Variants in OXTR observed in about 807,000 individuals in gnomAD.
OXTR encodes oxytocin receptor.
In OXTR, 19 loss-of-function variants were observed where a neutral mutation model predicts 23.9. That is an observed-to-expected ratio of 0.80 (90% CI 0.56 to 1.17). The LOEUF (loss-of-function observed/expected upper bound fraction) is 1.17, where lower values mean the gene tolerates loss of function less well. Among genes scored for constraint, OXTR ranks in the 50% most tolerant of loss-of-function variants. The pLI, the probability that OXTR is intolerant of heterozygous loss-of-function variation, is 0.00. For missense variants in OXTR, 500 were observed against 550.7 expected, an observed-to-expected ratio of 0.91 and a Z score of 0.92; for synonymous variants, 278 against 250.5, an observed-to-expected ratio of 1.11 and a Z score of -1.04.
At chr3:8,745,615 C>A (rs116840775), downstream of OXTR, 185 of 1,614,134 alleles carry the variant, frequency 1.1e-4, no homozygotes, top group East Asian at 3.1e-3. The surrounding 1 kb of genome is among the most constrained non-coding windows in gnomAD (Gnocchi z 4.8). Flanking sequence ...TCACTGTCTC[C>A]AAGTACTGGT....
chr3:8,762,646 C>A (rs1480406347), intron 3 of OXTR, among the ~76,000 whole-genome samples: 1 of 152,210 alleles, frequency 6.6e-6, no homozygotes, highest in Non-Finnish European at 1.5e-5. Context: ...TCGGGCACAG[C>A]ATTCATGGAA....
In OXTR at chr3:8,750,584, T is replaced by G. The variant is rs1312689230; in HGVS notation, c.*2393A>C. ...CTGGCAAACGCTAATCTATATTCAC[T>G]CTATATAGATTCGTCCATTTTAGAC... On this transcript the variant is annotated 3_prime_UTR_variant, in exon 4 of 4. Coordinates refer to ENST00000316793, the MANE Select transcript of OXTR (RefSeq NM_000916.4). The G allele has an allele frequency of 6.6e-6, 1 of 152,148 alleles. No individual in the cohort carries two copies. The highest frequency in any genetic ancestry group is 1.9e-4 in the East Asian group (1 of 5,192). The allele number at this position is 152,148 out of a possible 1,614,324, so 9.4% of individuals were successfully genotyped here. A position where few individuals can be genotyped will look rare whatever the true frequency, so the allele number is the denominator to read the frequency against.
At chr3:8,759,225 C>G (rs116571980) in intron 3 of OXTR, among the ~76,000 whole-genome samples, 1 of 152,216 alleles carries the variant, frequency 6.6e-6, no homozygotes, top group Non-Finnish European at 1.5e-5. Flanking sequence ...TAAGCTCCTA[C>G]TCACCCCTCA....
At chr3:8,753,669 C>T (rs1362774355) in intron 3 of OXTR, among the ~76,000 whole-genome samples, 2 of 152,158 alleles carry the variant, frequency 1.3e-5, no homozygotes, top group African/African-American at 4.8e-5. Context: ...ACTTGAAGTC[C>T]CTAAGAAGCT....
At chr3:8,743,356 C>CTTT in the OXTR span, among the ~76,000 whole-genome samples, 1 of 152,210 alleles carries the variant, frequency 6.6e-6, no homozygotes, top group African/African-American at 2.4e-5. Context: ...GTGAATATGA[C>CTTT]TTTTCCATCC....
the OXTR span, among the ~76,000 whole-genome samples, chr3:8,743,330 T>C: frequency 6.6e-6 from 1 of 152,212 alleles, no homozygotes; most frequent in Admixed American, 6.5e-5. Flanking sequence ...GACTAGAACC[T>C]CCATAAACAT....
At chr3:8,744,255 C>T in the OXTR span, among the ~76,000 whole-genome samples, 55 of 150,738 alleles carry the variant, frequency 3.6e-4, no homozygotes, top group African/African-American at 1.3e-3. Context: ...TGGTTCACTG[C>T]TGTTTAATTG....
downstream of OXTR, among the ~76,000 whole-genome samples, chr3:8,748,404 G>A (rs985198125): frequency 6.6e-6 from 1 of 152,128 alleles, no homozygotes; most frequent in Non-Finnish European, 1.5e-5. Context: ...TCTGATAACT[G>A]AGTGCACCTG....
chr3:8,756,198 A>G (rs1316364813), intron 3 of OXTR, among the ~76,000 whole-genome samples: 1 of 152,210 alleles, frequency 6.6e-6, no homozygotes, highest in Non-Finnish European at 1.5e-5. Flanking sequence ...TGGAACAGAA[A>G]AAAGCATGGA....
chr3:8,767,265 C>T lies in OXTR; in HGVS notation c.922+1G>A. 6.5e-6 allele frequency: 10 copies of T among 1,535,348 alleles called. No homozygotes were observed. Among genetic ancestry groups the T allele is most frequent in the Non-Finnish European group, 7.9e-6 (9 of 1,142,632 alleles). On this transcript the variant is annotated splice_donor_variant, in intron 3 of 3. Coordinates refer to ENST00000316793, the MANE Select transcript of OXTR (RefSeq NM_000916.4). LOFTEE classifies it high-confidence loss of function. ...CTCCTGGGTCTCCCAGCCCTGGCTA[C>T]CTTCCTTGGGCGCGTTGGCATCCCA...
rs1327115719 is a variant in OXTR at position 8,752,735 on chromosome 3, G to A, written c.*242C>T. On this transcript the variant is annotated 3_prime_UTR_variant, in exon 4 of 4. Coordinates refer to ENST00000316793, the MANE Select transcript of OXTR (RefSeq NM_000916.4). ...AAAAACAAGCCACTCACTGCCCAGGGCAGCAGTGGGTTCAGGGTGGTAGAA... is the reference window on the plus strand; with the variant it reads ...AAAAACAAGCCACTCACTGCCCAGGACAGCAGTGGGTTCAGGGTGGTAGAA... 4.0e-6 allele frequency: 2 copies of A among 502,898 alleles called. No homozygotes were observed. The highest frequency in any genetic ancestry group is 3.5e-6 in the Non-Finnish European group (1 of 285,160). The allele number at this position is 502,898 out of a possible 1,614,324, so 31.2% of individuals were successfully genotyped here.
In OXTR at chr3:8,752,063, C is replaced by G. The variant is rs989283756; in HGVS notation, c.*914G>C. ...CAATTTTGTAGTTTTCAGTCTTGCA[C>G]TTGTTTTGTTAAGTTGATTCCTATT... On this transcript the variant is annotated 3_prime_UTR_variant, in exon 4 of 4. Coordinates refer to ENST00000316793, the MANE Select transcript of OXTR (RefSeq NM_000916.4). 6.6e-6 allele frequency: 1 copy of G among 152,136 alleles called. No individual in the cohort carries two copies. The highest frequency in any genetic ancestry group is 1.5e-5 in the Non-Finnish European group (1 of 68,024). 9.4% of individuals were successfully genotyped at this position (152,136 alleles called of 1,614,324 possible). A position where few individuals can be genotyped will look rare whatever the true frequency, so the allele number is the denominator to read the frequency against.
chr3:8,745,898 A>T, downstream of OXTR: 9 of 1,556,724 alleles, frequency 5.8e-6, no homozygotes, highest in African/African-American at 1.4e-5. The surrounding 1 kb of genome is among the most constrained non-coding windows in gnomAD (Gnocchi z 4.8). Context: ...GTGGCAGGGC[A>T]GGGGGTGGTG....
downstream of OXTR, among the ~76,000 whole-genome samples, chr3:8,747,504 C>G (rs78077803): frequency 2.6e-5 from 4 of 152,216 alleles, no homozygotes; most frequent in Non-Finnish European, 5.9e-5. Flanking sequence ...TGTTTAAATA[C>G]GTTGTAGAGA....
In OXTR at chr3:8,752,836, C is replaced by A; in HGVS notation, c.*141G>T. The A allele has an allele frequency of 1.1e-6, 1 of 884,244 alleles. No individual in the cohort carries two copies. The highest frequency in any genetic ancestry group is 1.7e-6 in the Non-Finnish European group (1 of 596,950). 54.8% of individuals were successfully genotyped at this position (884,244 alleles called of 1,614,324 possible). On this transcript the variant is annotated 3_prime_UTR_variant, in exon 4 of 4. Transcript: ENST00000316793. ...TTCCATCATGGAGGCCACTCTCCACCCCACTGAAGCCACCCCAAGGAGGGG... is the reference window on the plus strand; with the variant it reads ...TTCCATCATGGAGGCCACTCTCCACACCACTGAAGCCACCCCAAGGAGGGG...
intron 3 of OXTR, among the ~76,000 whole-genome samples, chr3:8,764,535 C>T (rs774140972): frequency 2.6e-5 from 4 of 152,222 alleles, no homozygotes; most frequent in Non-Finnish European, 5.9e-5. Flanking sequence ...TTAACACTTG[C>T]TGGTAGCCTC....
intron 3 of OXTR, among the ~76,000 whole-genome samples, chr3:8,761,540 T>C (rs1708487654): frequency 6.6e-6 from 1 of 152,104 alleles, no homozygotes; most frequent in Non-Finnish European, 1.5e-5. Flanking sequence ...TGTCAGTCTC[T>C]AGTGTAAGAT....
chr3:8,749,497 G>T (rs1307691300), downstream of OXTR, among the ~76,000 whole-genome samples: 2 of 152,128 alleles, frequency 1.3e-5, no homozygotes, highest in East Asian at 1.9e-4. Flanking sequence ...GGCATCTCTG[G>T]CTGGTGGGCA....
Position 8,767,277 on chromosome 3 carries a change from G to A in OXTR, c.911C>T (p.Ala304Val). 4.5e-6 allele frequency: 7 copies of A among 1,548,954 alleles called. No individual in the cohort carries two copies. The highest frequency in any genetic ancestry group is 1.2e-5 in the South Asian group (1 of 80,564). ...CCAGCCCTGGCTACCTTCCTTGGGC[G>A]CGTTGGCATCCCAGACGCTCCACAT... is the stretch of plus-strand genomic sequence containing the variant. ...VQMWSVWDAN[A>V]PKEASAFIIV... Residue 304 changes from alanine (A) to valine (V), a missense_variant, in exon 3 of 4, where the codon GCG (alanine) becomes GTG (valine). By Grantham distance (64) the Ala-to-Val change is moderately conservative. Coordinates refer to ENST00000316793, the MANE Select transcript of OXTR (RefSeq NM_000916.4).
Sources: gnomAD v4.1 joint callset for allele counts (sites outside exome capture counted in the v4.1 genomes callset) on GRCh38, gnomAD v4.1.1 for gene constraint, Gnocchi (gnomAD v3.1) non-coding constraint, MANE v1.5 for transcripts, NCBI Gene and HGNC (gene_info 2026-07-23, HGNC 2026-07-21) for gene names.